The following UNC93A variants were observed in gnomAD, a reference collection of about 807,000 sequenced individuals.
The protein encoded by UNC93A is unc-93 homolog A.
A neutral mutation model predicts 47.5 loss-of-function variants in UNC93A; 43 were observed. The observed-to-expected ratio is 0.91, with a 90% CI of 0.71 to 1.17. The LOEUF (loss-of-function observed/expected upper bound fraction) is 1.17. Ranked by LOEUF, UNC93A falls within the 50% of genes most tolerant of loss-of-function variation. UNC93A has a pLI of 0.00. For missense variants in UNC93A, 605 were observed against 577.6 expected, an observed-to-expected ratio of 1.05 and a Z score of -0.49; for synonymous variants, 280 against 258.0, an observed-to-expected ratio of 1.09 and a Z score of -0.82.
At chr6:167,308,862 G>A (rs1405294415) in intron 7 of UNC93A, among the ~76,000 whole-genome samples, 1 of 152,158 alleles carries the variant, frequency 6.6e-6, no homozygotes, top group East Asian at 1.9e-4. Flanking sequence ...GGAGCCGGGA[G>A]GGCTGGTTGT....
chr6:167,307,631 T>C, intron 6 of UNC93A, 148 bp from the exon 7 acceptor site: 1 of 916,210 alleles, frequency 1.1e-6, no homozygotes, highest in Non-Finnish European at 1.6e-6. Context: ...CAGAGGACGG[T>C]TGAGATGGTT....
rs1203890742 is a variant in UNC93A at position 167,278,575 on chromosome 6, T to C, written c.-52+7117T>C. ...ATCCATACAGTGTTCCAGGGTTATC[T>C]GACAAGCAAGAACACCAGTAACTTA... On this transcript the variant is annotated intron_variant, in intron 1 of 3. Coordinates refer to the UNC93A transcript ENST00000503433. Among the ~76,000 whole-genome samples, 3 of 152,222 alleles carry C rather than the reference T, an allele frequency of 2.0e-5. No homozygotes were observed. In the East Asian group the frequency reaches 5.8e-4, roughly 29 times the overall value.
chr6:167,306,445 A>G (rs564999352), intron 6 of UNC93A, among the ~76,000 whole-genome samples: 2 of 152,306 alleles, frequency 1.3e-5, no homozygotes, highest in African/African-American at 4.8e-5. Flanking sequence ...TTCCACATCT[A>G]TTCACACAGT....
At chr6:167,285,675 G>T (rs1244056915) in intron 1 of UNC93A, among the ~76,000 whole-genome samples, 1 of 151,522 alleles carries the variant, frequency 6.6e-6, no homozygotes, top group African/African-American at 2.4e-5. Context: ...CTGGGGTGGG[G>T]GTTCTGGAGG....
At chr6:167,308,173 A>G (rs1384790510) in intron 7 of UNC93A, among the ~76,000 whole-genome samples, 1 of 152,186 alleles carries the variant, frequency 6.6e-6, no homozygotes, top group Non-Finnish European at 1.5e-5. Context: ...GGTTTTGCTT[A>G]AGTCAAGTCG....
At position 167,294,607 on chromosome 6, in the gene UNC93A, C is replaced by G. The variant is rs1190916321; in HGVS notation, c.178C>G (p.Leu60Val). The change falls in exon 2 of 8, where the codon CTC becomes GTC. Residue 60 changes from leucine to valine, a missense_variant. Transcript: ENST00000230256. ...CCTGTCCTCCATGTTCCTCCCACCG[C>G]TCCTCATCGAGAGGCTGGGCTGCAA... ...MLLSSMFLPP[L>V]LIERLGCKGT... 6.2e-7 allele frequency: 1 copy of G among 1,613,990 alleles called. No homozygotes were observed. Among genetic ancestry groups the G allele is most frequent in the South Asian group, 1.1e-5 (1 of 91,076 alleles).
chr6:167,308,405 G>A lies in UNC93A; in HGVS notation c.1108+495G>A, dbSNP rs34345622. On this transcript the variant is annotated intron_variant, in intron 7 of 7. Transcript: ENST00000230256. ...ACAGGTCACTAGGGTCAGTGTCTGT[G>A]GACGGGGCTCTGGGGCATCCTGGGC... Among the ~76,000 whole-genome samples, 815 of 152,258 alleles carry A rather than the reference G, an allele frequency of 5.4e-3. 8 individuals are homozygous for A. The highest frequency in any genetic ancestry group is 0.018 in the African/African-American group (753 of 41,534).
At chr6:167,294,784 C>T (rs984602768) in intron 2 of UNC93A, 86 bp downstream of exon 2, 18 of 1,415,844 alleles carry the variant, frequency 1.3e-5, no homozygotes, top group Non-Finnish European at 1.6e-5. Context: ...TGCATTTGCA[C>T]CTGATTACTG....
At position 167,296,187 on chromosome 6, in the gene UNC93A, T is replaced by G; in HGVS notation, c.425T>G (p.Phe142Cys). The G allele has an allele frequency of 6.2e-7, 1 of 1,614,244 alleles. No individual in the cohort carries two copies. The highest frequency in any genetic ancestry group is 8.5e-7 in the Non-Finnish European group (1 of 1,180,050). ...DMVNQYFGIFFLIFQSSGVWG... is the reference protein window; with the variant it reads ...DMVNQYFGIFCLIFQSSGVWG... ...GTGAACCAGTATTTTGGCATCTTCT[T>G]CCTCATATTCCAGTCATCCGGTGTG... Residue 142 changes from phenylalanine (F) to cysteine (C), a missense_variant, in exon 3 of 8, where the codon TTC becomes TGC. Coordinates refer to ENST00000230256, the MANE Select transcript of UNC93A (RefSeq NM_018974.4).
intron 4 of UNC93A, among the ~76,000 whole-genome samples, chr6:167,299,870 G>A (rs534283641): frequency 1.3e-5 from 2 of 152,234 alleles, no homozygotes; most frequent in Non-Finnish European, 2.9e-5. Flanking sequence ...GTGCCAAAGG[G>A]TCTGGACGAG....
chr6:167,282,979 T>C (rs1238908013), intron 1 of UNC93A, among the ~76,000 whole-genome samples: 2 of 152,164 alleles, frequency 1.3e-5, no homozygotes, highest in African/African-American at 4.8e-5. Flanking sequence ...GGTAAGGGGT[T>C]GTGAAGACCA....
chr6:167,303,169 C>T (rs528754207), intron 4 of UNC93A, among the ~76,000 whole-genome samples: 15 of 152,310 alleles, frequency 9.8e-5, no homozygotes, highest in Admixed American at 8.5e-4. Context: ...CTCTCACTGC[C>T]GTCCTCAGAC....
Position 167,291,510 on chromosome 6 carries a change from C to T in UNC93A, c.21C>T (p.Asn7=), listed in dbSNP as rs374011006. The T allele has an allele frequency of 4.7e-5, 76 of 1,613,862 alleles. No individual in the cohort carries two copies. Among genetic ancestry groups the T allele is most frequent in the Admixed American group, 6.7e-5 (4 of 59,998 alleles). The part of the protein sequence containing the change: MDRSLR[N]VLVVSFGFLL... ...GCACAATGGACAGAAGTCTAAGGAA[C>T]GTCCTTGTGGTTTCCTTTGGGTTCC... is the stretch of plus-strand genomic sequence containing the variant. The change falls in exon 1 of 8, where the codon AAC becomes AAT. Residue 7 remains asparagine (N), a synonymous_variant. Coordinates refer to ENST00000230256, the MANE Select transcript of UNC93A (RefSeq NM_018974.4).
At chr6:167,282,110 T>C (rs1783643932) in intron 1 of UNC93A, among the ~76,000 whole-genome samples, 1 of 152,222 alleles carries the variant, frequency 6.6e-6, no homozygotes, top group Non-Finnish European at 1.5e-5. Context: ...AATCAGTCTT[T>C]GCAGGGTGGC....
chr6:167,271,615 T>C (rs1783453344), intron 1 of UNC93A, among the ~76,000 whole-genome samples: 1 of 152,148 alleles, frequency 6.6e-6, no homozygotes, highest in Non-Finnish European at 1.5e-5. Flanking sequence ...GACACACATA[T>C]GGGAGGAAAA....
upstream of UNC93A, among the ~76,000 whole-genome samples, chr6:167,269,594 T>C (rs1304568454): frequency 6.6e-6 from 1 of 152,142 alleles, no homozygotes; most frequent in East Asian, 1.9e-4. Context: ...ATGGCACTTT[T>C]TAAAAAATTT....
At chr6:167,300,078 C>G (rs1778199637) in intron 4 of UNC93A, among the ~76,000 whole-genome samples, 1 of 151,978 alleles carries the variant, frequency 6.6e-6, no homozygotes, top group Non-Finnish European at 1.5e-5. Flanking sequence ...GAAGACAGCC[C>G]TGGGGTTGAC....
In UNC93A at chr6:167,294,761, T is replaced by G. The variant is rs1204480900; in HGVS notation, c.269+63T>G. On this transcript the variant is annotated intron_variant, in intron 2 of 7. Coordinates refer to ENST00000230256, the MANE Select transcript of UNC93A (RefSeq NM_018974.4). Reference sequence around the variant, plus strand: ...CGTTCCCCACGCTAGGGACGTTCACTCTGCACATGAGTTGCATTTGCACCT... The same window carrying G: ...CGTTCCCCACGCTAGGGACGTTCACGCTGCACATGAGTTGCATTTGCACCT... 3 of 1,471,052 alleles carry G rather than the reference T, an allele frequency of 2.0e-6. No individual in the cohort carries two copies. In the Admixed American group the frequency reaches 6.0e-5, roughly 29 times the overall value. The allele number at this position is 1,471,052 out of a possible 1,614,324, so 91.1% of individuals were successfully genotyped here.
chr6:167,294,684 C>T lies in UNC93A; in HGVS notation c.255C>T (p.Asn85=), dbSNP rs1384715227. The T allele has an allele frequency of 6.9e-6, 11 of 1,596,870 alleles. No individual in the cohort carries two copies. The highest frequency in any genetic ancestry group is 4.0e-5 in the African/African-American group (3 of 74,652). The part of the protein sequence containing the change: ...MCGYVAFSVG[N]FFASWYTLIP... ...GCTACGTGGCCTTCTCCGTGGGCAA[C>T]TTCTTCGCCAGCTGGTACGCAGCCA... Residue 85 remains asparagine (N), a synonymous_variant, in exon 2 of 8, where the codon AAC becomes AAT. Transcript: ENST00000230256.
Sources: gnomAD v4.1 joint callset for allele counts (sites outside exome capture counted in the v4.1 genomes callset) on GRCh38, gnomAD v4.1.1 for gene constraint, MANE v1.5 for transcripts, NCBI Gene and HGNC (gene_info 2026-07-23, HGNC 2026-07-21) for gene names.